Variants in HSD17B3 observed in about 807,000 individuals in gnomAD.
HSD17B3 encodes the protein hydroxysteroid 17-beta dehydrogenase 3.
In HSD17B3, 29 loss-of-function variants were observed where a neutral mutation model predicts 41.1. The observed-to-expected ratio is 0.71, with a 90% CI of 0.53 to 0.96. The LOEUF is 0.96. HSD17B3 is among the 40% of genes least tolerant of loss of function. The pLI is 0.00. For missense variants in HSD17B3, 323 were observed against 374.6 expected, an observed-to-expected ratio of 0.86 and a Z score of 1.14; for synonymous variants, 126 against 145.6, an observed-to-expected ratio of 0.87 and a Z score of 0.97.
At chr9:96,298,668 G>GGTTT (rs1168378366) in intron 1 of HSD17B3, among the ~76,000 whole-genome samples, 195 of 150,470 alleles carry the variant, frequency 1.3e-3, no homozygotes, top group African/African-American at 4.5e-3. Flanking sequence ...TTGGTTGGTT[G>GGTTT]GTTGGTTTGT....
At chr9:96,284,841 A>ATT (rs35535710) in intron 2 of HSD17B3, among the ~76,000 whole-genome samples, 5,286 of 145,788 alleles carry the variant, frequency 0.036, 122 homozygotes, top group South Asian at 0.089. Flanking sequence ...ATCAAAGCCA[A>ATT]TTTTTTTTTT....
chr9:96,297,059 T>C (rs1827388354), intron 2 of HSD17B3, among the ~76,000 whole-genome samples: 1 of 151,318 alleles, frequency 6.6e-6, no homozygotes, highest in African/African-American at 2.4e-5. Flanking sequence ...AGTTTTGACA[T>C]AAGAAAATGC....
rs185215432 is a variant in HSD17B3 at position 96,290,166 on chromosome 9, T to A, written c.201+8250A>T. ...TCTTCCTCCCTCCACCCCAGGCCCA[T>A]CCCTCTCCACAATTTTTTCCCACCT... On this transcript the variant is annotated intron_variant, in intron 2 of 10. Coordinates refer to ENST00000375263, the MANE Select transcript of HSD17B3 (RefSeq NM_000197.2). 2.4e-4 allele frequency among the ~76,000 whole-genome samples: 36 copies of A among 152,116 alleles called. No individual in the cohort carries two copies. The East Asian group carries it at 6.8e-3, about 29-fold the overall frequency.
intron 1 of HSD17B3, 73 bp downstream of exon 1, chr9:96,301,878 C>T: frequency 6.5e-7 from 1 of 1,530,832 alleles, no homozygotes; most frequent in Non-Finnish European, 9.0e-7. Context: ...AAGTGTCTGT[C>T]TCAAAAATAA....
At chr9:96,253,311 C>T (rs904380235) in intron 3 of HSD17B3, among the ~76,000 whole-genome samples, 1 of 152,166 alleles carries the variant, frequency 6.6e-6, no homozygotes, top group African/African-American at 2.4e-5. Flanking sequence ...CTCCGAGGGA[C>T]TCTGCTGCTT....
chr9:96,259,498 G>T (rs570480576), intron 2 of HSD17B3, among the ~76,000 whole-genome samples: 1 of 152,140 alleles, frequency 6.6e-6, no homozygotes, highest in Non-Finnish European at 1.5e-5. Flanking sequence ...CGAGGTGGGC[G>T]GATCATGAGG....
chr9:96,252,695 G>A, intron 4 of HSD17B3, 108 bp downstream of exon 4: 1 of 768,322 alleles, frequency 1.3e-6, no homozygotes, highest in Non-Finnish European at 2.4e-6. Context: ...TTAAAATACA[G>A]TCATGGTTTG....
intron 2 of HSD17B3, among the ~76,000 whole-genome samples, chr9:96,265,864 GA>G (rs774262339): frequency 6.6e-6 from 1 of 152,196 alleles, no homozygotes; most frequent in Non-Finnish European, 1.5e-5. Flanking sequence ...ATTGTTGGGT[GA>G]AACACACAAA....
intron 6 of HSD17B3, among the ~76,000 whole-genome samples, chr9:96,247,791 A>C (rs1247766595): frequency 6.6e-6 from 1 of 152,184 alleles, no homozygotes; most frequent in African/African-American, 2.4e-5. Flanking sequence ...TCCCCGCCTC[A>C]AGGCTTCCAA....
intron 2 of HSD17B3, among the ~76,000 whole-genome samples, chr9:96,259,458 C>G (rs1185063226): frequency 6.6e-6 from 1 of 152,208 alleles, no homozygotes; most frequent in African/African-American, 2.4e-5. Flanking sequence ...CACATTGGCT[C>G]ATGCCTATAA....
At chr9:96,284,634 G>A (rs769951789) in intron 2 of HSD17B3, among the ~76,000 whole-genome samples, 5 of 152,120 alleles carry the variant, frequency 3.3e-5, no homozygotes, top group African/African-American at 1.2e-4. Flanking sequence ...CCTTGCCTAC[G>A]CAGTGCCAGT....
At chr9:96,297,001 T>G (rs1441692302) in intron 2 of HSD17B3, among the ~76,000 whole-genome samples, 1 of 151,678 alleles carries the variant, frequency 6.6e-6, no homozygotes, top group Non-Finnish European at 1.5e-5. Flanking sequence ...TACCACTGCA[T>G]TCCAGCCTGG....
chr9:96,283,509 A>G (rs1455551550), intron 2 of HSD17B3, among the ~76,000 whole-genome samples: 1 of 152,214 alleles, frequency 6.6e-6, no homozygotes, highest in Non-Finnish European at 1.5e-5. Flanking sequence ...TATAAAAATC[A>G]TACAGGGAGC....
At chr9:96,289,951 G>C (rs1827084245) in intron 2 of HSD17B3, among the ~76,000 whole-genome samples, 1 of 152,148 alleles carries the variant, frequency 6.6e-6, no homozygotes, top group Non-Finnish European at 1.5e-5. Context: ...TGTATGTTGG[G>C]GCCTGGGTCA....
intron 2 of HSD17B3, among the ~76,000 whole-genome samples, chr9:96,272,445 A>ATATC (rs1564048658): frequency 4.0e-5 from 4 of 99,230 alleles, no homozygotes; most frequent in African/African-American, 1.5e-4. Flanking sequence ...ATATATATAT[A>ATATC]TAAAATATAT....
At chr9:96,279,802 C>G (rs959724475) in intron 2 of HSD17B3, among the ~76,000 whole-genome samples, 2 of 151,422 alleles carry the variant, frequency 1.3e-5, no homozygotes, top group Admixed American at 6.6e-5. Context: ...TGGAGTCTCG[C>G]TCTGTCACCC....
At chr9:96,265,577 A>G (rs1272545275) in intron 2 of HSD17B3, among the ~76,000 whole-genome samples, 4 of 152,240 alleles carry the variant, frequency 2.6e-5, no homozygotes, top group Non-Finnish European at 1.5e-5. Context: ...AAGTTTTAAG[A>G]TCTAGCTTTA....
In HSD17B3 at chr9:96,292,347, T is replaced by C. The variant is rs1827189982; in HGVS notation, c.201+6069A>G. Among the ~76,000 whole-genome samples the C allele has an allele frequency of 5.9e-5, 9 of 152,042 alleles. No homozygotes were observed. In the South Asian group the frequency reaches 1.9e-3, roughly 32 times the overall value. On this transcript the variant is annotated intron_variant, in intron 2 of 10. Transcript: ENST00000375263. ...TATTTGAATAAATAATGGATGAAAG[T>C]TTTTGAAATTTGTTTTTATTGATTT...
intron 2 of HSD17B3, among the ~76,000 whole-genome samples, chr9:96,264,068 T>C (rs1825958051): frequency 6.6e-6 from 1 of 152,198 alleles, no homozygotes; most frequent in Non-Finnish European, 1.5e-5. Context: ...TTACAATGTA[T>C]ATATATTTTA....
Sources: gnomAD v4.1 joint callset for allele counts (sites outside exome capture counted in the v4.1 genomes callset) on GRCh38, gnomAD v4.1.1 for gene constraint, MANE v1.5 for transcripts, NCBI Gene and HGNC (gene_info 2026-07-23, HGNC 2026-07-21) for gene names.